The following RTTN variants were observed in gnomAD, a reference collection of about 807,000 sequenced individuals.
The protein encoded by RTTN is rotatin.
RTTN carries 182 observed loss-of-function variants against 269.2 expected under a neutral mutation model. That is an observed-to-expected ratio of 0.68 (90% CI 0.60 to 0.76). The LOEUF (loss-of-function observed/expected upper bound fraction) is 0.76. RTTN is among the 30% of genes least tolerant of loss of function. RTTN has a pLI of 0.00. For synonymous variants in RTTN, 1,006 were observed against 963.5 expected (o/e 1.04, Z -0.82); for missense variants, 2,545 against 2,608.6 (o/e 0.98, Z 0.53).
chr18:70,169,137 G>A (rs2061070045), intron 11 of RTTN, 70 bp from the exon 12 acceptor site: 3 of 1,145,372 alleles, frequency 2.6e-6, no homozygotes, highest in Admixed American at 5.6e-5. Flanking sequence ...GAAACATAGT[G>A]GGCTATAGTC....
At chr18:70,035,614 C>T (rs2057148742) in intron 40 of RTTN, among the ~76,000 whole-genome samples, 1 of 152,102 alleles carries the variant, frequency 6.6e-6, no homozygotes, top group South Asian at 2.1e-4. Context: ...CGCTGGAAGA[C>T]AACCTAGGCA....
intron 32 of RTTN, among the ~76,000 whole-genome samples, chr18:70,078,741 A>G: frequency 6.6e-6 from 1 of 152,088 alleles, no homozygotes; most frequent in East Asian, 1.9e-4. Flanking sequence ...GAAGCAACCT[A>G]CAGATAAAAT....
intron 12 of RTTN, among the ~76,000 whole-genome samples, chr18:70,167,295 T>C (rs1425335160): frequency 6.6e-6 from 1 of 152,234 alleles, no homozygotes; most frequent in African/African-American, 2.4e-5. Context: ...GTTGCCTGGT[T>C]CTTTGATTAC....
chr18:70,020,533 G>T, intron 45 of RTTN, 82 bp downstream of exon 45: 1 of 1,245,740 alleles, frequency 8.0e-7, no homozygotes, highest in Non-Finnish European at 1.1e-6. Flanking sequence ...AATAATCTTA[G>T]AAATTGAGTT....
At chr18:70,013,298 T>A (rs1324505920) in intron 46 of RTTN, among the ~76,000 whole-genome samples, 1 of 147,810 alleles carries the variant, frequency 6.8e-6, no homozygotes, top group Non-Finnish European at 1.5e-5. Flanking sequence ...TCAGAATATA[T>A]AACTCCTCTG....
intron 46 of RTTN, among the ~76,000 whole-genome samples, chr18:70,013,250 T>C (rs1016044711): frequency 2.0e-5 from 3 of 152,200 alleles, no homozygotes; most frequent in African/African-American, 7.2e-5. Context: ...TCCATCTGAG[T>C]AGCATCAAGT....
chr18:70,135,571 A>G (rs1249645042), intron 21 of RTTN, among the ~76,000 whole-genome samples: 1 of 152,184 alleles, frequency 6.6e-6, no homozygotes, highest in Non-Finnish European at 1.5e-5. Context: ...ACTTGTAGAT[A>G]CACTCACTAG....
At chr18:70,083,356 T>G (rs1227221987) in intron 32 of RTTN, among the ~76,000 whole-genome samples, 2 of 152,172 alleles carry the variant, frequency 1.3e-5, no homozygotes, top group African/African-American at 2.4e-5. Flanking sequence ...CTCAAATGTT[T>G]TGCACATTTT....
In RTTN at chr18:70,150,073, G is replaced by A; in HGVS notation, c.2070C>T (p.Ala690=). The A allele has an allele frequency of 6.2e-7, 1 of 1,612,370 alleles. No homozygotes were observed. Among genetic ancestry groups the A allele is most frequent in the Non-Finnish European group, 8.5e-7 (1 of 1,178,652 alleles). Reference sequence around the variant, plus strand: ...GAAGCAGGTATAACAGAATGGCCTTGGCAGCAGTGTTCACCTGCTCAACAA... The same window carrying A: ...GAAGCAGGTATAACAGAATGGCCTTAGCAGCAGTGTTCACCTGCTCAACAA... ...QEPESEVNTA[A]KAILLYLLQG... is the part of the protein sequence containing the mutation. Residue 690 remains alanine (A), a synonymous_variant, in exon 16 of 49, where the codon GCC becomes GCT. Transcript: ENST00000640769.
At chr18:70,196,771 T>C in intron 6 of RTTN, 123 bp from the exon 7 acceptor site, 1 of 923,056 alleles carries the variant, frequency 1.1e-6, no homozygotes, top group Non-Finnish European at 1.6e-6. Context: ...TGCCAAATAT[T>C]TGTAAGACAT....
intron 31 of RTTN, 41 bp downstream of exon 31, chr18:70,087,948 A>G (rs1393861907): frequency 1.2e-6 from 2 of 1,600,360 alleles, no homozygotes. Context: ...ATACCATCAC[A>G]AAGAATTTCT....
At chr18:70,127,970 C>G (rs1322796096) in intron 24 of RTTN, 1 of 511,756 alleles carries the variant, frequency 2.0e-6, no homozygotes, top group Non-Finnish European at 3.5e-6. Flanking sequence ...AATTTTTATT[C>G]ACTTAAGACA....
At chr18:70,087,150 A>G (rs1259050597) in intron 31 of RTTN, among the ~76,000 whole-genome samples, 1 of 152,134 alleles carries the variant, frequency 6.6e-6, no homozygotes, top group African/African-American at 2.4e-5. Flanking sequence ...AACTAGAAAT[A>G]CAAACCACAA....
intron 26 of RTTN, among the ~76,000 whole-genome samples, chr18:70,115,659 G>A (rs1487987243): frequency 6.6e-6 from 1 of 151,942 alleles, no homozygotes; most frequent in East Asian, 1.9e-4. Context: ...GACAAGGGCA[G>A]AGCAAGAAGC....
chr18:70,017,531 A>G lies in RTTN; in HGVS notation c.6297T>C (p.Asp2099=). 1.9e-6 allele frequency: 3 copies of G among 1,614,112 alleles called. No homozygotes were observed. Among genetic ancestry groups the G allele is most frequent in the Non-Finnish European group, 2.5e-6 (3 of 1,179,986 alleles). Residue 2099 remains aspartate (D), a synonymous_variant, in exon 46 of 49, where the codon GAT becomes GAC. Coordinates refer to ENST00000640769, the MANE Select transcript of RTTN (RefSeq NM_173630.4). The stretch of plus-strand genomic sequence containing the variant: ...TCTCTGTTAGTAAGTCTAGACAGCC[A>G]TCAAGCCTCAGAATCATTTGTTGCC... ...EDGQQMILRL[D]GCLDLLTEMS...
intron 34 of RTTN, among the ~76,000 whole-genome samples, chr18:70,072,986 A>T (rs2058336668): frequency 1.3e-5 from 2 of 152,112 alleles, no homozygotes; most frequent in Non-Finnish European, 2.9e-5. Context: ...AAAGACTTAA[A>T]ACTGTAGCAA....
chr18:70,043,780 T>C (rs1249525580), intron 40 of RTTN, among the ~76,000 whole-genome samples: 1 of 152,192 alleles, frequency 6.6e-6, no homozygotes, highest in Non-Finnish European at 1.5e-5. Context: ...CTTTCCAACA[T>C]ATACTGAAGG....
chr18:70,198,555 AGATAACTC>A (rs1600075769), intron 5 of RTTN, among the ~76,000 whole-genome samples: 1 of 152,218 alleles, frequency 6.6e-6, no homozygotes, highest in African/African-American at 2.4e-5. Context: ...CCAAAAAAGC[AGATAACTC>A]GTGTATTGTG....
intron 8 of RTTN, among the ~76,000 whole-genome samples, chr18:70,191,419 T>G (rs2061669283): frequency 1.3e-5 from 2 of 152,218 alleles, no homozygotes; most frequent in South Asian, 4.1e-4. Flanking sequence ...CTAGATTTTC[T>G]GAGTTTCACC....
Sources: gnomAD v4.1 joint callset for allele counts (sites outside exome capture counted in the v4.1 genomes callset) on GRCh38, gnomAD v4.1.1 for gene constraint, MANE v1.5 for transcripts, NCBI Gene and HGNC (gene_info 2026-07-23, HGNC 2026-07-21) for gene names.